Variants in VIRMA observed in about 807,000 individuals in gnomAD.
VIRMA encodes vir like m6A methyltransferase associated.
A neutral mutation model predicts 182.4 loss-of-function variants in VIRMA; 65 were observed. The observed-to-expected ratio is 0.36, with a 90% confidence interval of 0.29 to 0.44. The LOEUF (loss-of-function observed/expected upper bound fraction) is 0.44, where lower values mean the gene tolerates loss of function less well. Ranked by LOEUF, VIRMA falls within the 20% of genes least tolerant of loss-of-function variation. The pLI is 1.00. For synonymous variants in VIRMA, 709 were observed against 743.1 expected (o/e 0.95, Z 0.75); for missense variants, 1,752 against 2,158.1 (o/e 0.81, Z 3.73).
chr8:94,488,920 T>C (rs76622312), intron 23 of VIRMA, 60 bp from the exon 24 acceptor site: 105,822 of 1,558,566 alleles, frequency 0.068, 3,893 homozygotes, highest in South Asian at 0.076. Flanking sequence ...AGATTATAAA[T>C]ACTAATCTAC....
chr8:94,523,832 C>T (rs1479998235), intron 8 of VIRMA, among the ~76,000 whole-genome samples: 1 of 151,734 alleles, frequency 6.6e-6, no homozygotes, highest in Non-Finnish European at 1.5e-5. Context: ...CACTCTGTTG[C>T]CCAGGCTGGA....
At chr8:94,535,608 C>A (rs1815314947) in intron 4 of VIRMA, among the ~76,000 whole-genome samples, 1 of 152,016 alleles carries the variant, frequency 6.6e-6, no homozygotes, top group Non-Finnish European at 1.5e-5. Context: ...GATGGTGAAA[C>A]CTCGTCTCTA....
chr8:94,507,558 G>A (rs1334216709), intron 15 of VIRMA, among the ~76,000 whole-genome samples: 1 of 151,762 alleles, frequency 6.6e-6, no homozygotes, highest in East Asian at 1.9e-4. Context: ...AGTTCAAGAC[G>A]AGCCTGGCCA....
At chr8:94,502,009 C>T (rs1252466561) in intron 16 of VIRMA, among the ~76,000 whole-genome samples, 1 of 152,140 alleles carries the variant, frequency 6.6e-6, no homozygotes, top group Non-Finnish European at 1.5e-5. Context: ...GATGACCTCT[C>T]TAATGCTTTC....
Position 94,519,022 on chromosome 8 carries a change from T to G in VIRMA, c.2476A>C (p.Ile826Leu), listed in dbSNP as rs572170867. 1 of 1,613,574 alleles carries G rather than the reference T, an allele frequency of 6.2e-7. No homozygotes were observed. Among genetic ancestry groups the G allele is most frequent in the South Asian group, 1.1e-5 (1 of 91,020 alleles). ...TTGGAATAGTACTCCATTAGAGTAA[T>G]AAGACTTTGGAGATTTTTCTCCAGA... ...FSLEKNLQSL[I>L]TLMEYYSKEA... The change falls in exon 9 of 24, where the codon ATT (isoleucine) becomes CTT (leucine). Residue 826 changes from isoleucine (I) to leucine (L), a missense_variant. Transcript: ENST00000297591.
At chr8:94,534,547 C>T (rs1815271743) in intron 5 of VIRMA, among the ~76,000 whole-genome samples, 1 of 152,060 alleles carries the variant, frequency 6.6e-6, no homozygotes, top group Non-Finnish European at 1.5e-5. Flanking sequence ...TGCTTGCTCA[C>T]TCTCTCCCAC....
chr8:94,488,669 A>C lies in VIRMA; in HGVS notation c.*37T>G, dbSNP rs999436614. 3.1e-6 allele frequency: 5 copies of C among 1,589,716 alleles called. No individual in the cohort carries two copies. The Admixed American group carries it at 8.5e-5, about 27-fold the overall frequency. On this transcript the variant is annotated 3_prime_UTR_variant, in exon 24 of 24. Coordinates refer to ENST00000297591, the MANE Select transcript of VIRMA (RefSeq NM_015496.5). ...GTCTTATTTTTATTGTCCTCGTGAA[A>C]TGTTCATATACAGTTAAGATGTTCC...
At chr8:94,490,491 A>G (rs1356856065) in intron 22 of VIRMA, among the ~76,000 whole-genome samples, 1 of 152,210 alleles carries the variant, frequency 6.6e-6, no homozygotes, top group Non-Finnish European at 1.5e-5. Flanking sequence ...CTCAGCAGGT[A>G]TGAAAACATG....
chr8:94,495,019 T>G, intron 19 of VIRMA, 63 bp from the exon 20 acceptor site: 1 of 1,168,812 alleles, frequency 8.6e-7, no homozygotes, highest in Non-Finnish European at 1.3e-6. Flanking sequence ...ATTTTTTTTT[T>G]TTGAGACACA....
At position 94,488,454 on chromosome 8, in the gene VIRMA, T is replaced by C. The variant is rs1461121962; in HGVS notation, c.*252A>G. ...AGGCAAGAAAAATACAAAACATCAT[T>C]TAGTTTTTCACCTAGAAATTTTCTA... On this transcript the variant is annotated 3_prime_UTR_variant, in exon 24 of 24. Coordinates refer to ENST00000297591, the MANE Select transcript of VIRMA (RefSeq NM_015496.5). 1 of 354,926 alleles carries C rather than the reference T, an allele frequency of 2.8e-6. No homozygotes were observed. Among genetic ancestry groups the C allele is most frequent in the East Asian group, 4.7e-5 (1 of 21,178 alleles). 22.0% of individuals were successfully genotyped at this position (354,926 alleles called of 1,614,324 possible).
intron 4 of VIRMA, among the ~76,000 whole-genome samples, chr8:94,535,345 A>G (rs1398638749): frequency 1.3e-5 from 2 of 152,230 alleles, no homozygotes; most frequent in African/African-American, 4.8e-5. Flanking sequence ...AAACCCCAAT[A>G]GGTACAGGGG....
Position 94,517,675 on chromosome 8 carries a change from A to T in VIRMA, c.2668+113T>A, listed in dbSNP as rs939645561. 11 of 605,464 alleles carry T rather than the reference A, an allele frequency of 1.8e-5. No homozygotes were observed. The Admixed American group carries it at 2.2e-4, about 12-fold the overall frequency. 37.5% of individuals were successfully genotyped at this position (605,464 alleles called of 1,614,324 possible). On this transcript the variant is annotated intron_variant, in intron 10 of 23. Transcript: ENST00000297591. Reference sequence around the variant, plus strand: ...CATAAAAAGTAATTTCAGGAAGTTAAAAACAGTATTACTAGGTATATTATC... The same window carrying T: ...CATAAAAAGTAATTTCAGGAAGTTATAAACAGTATTACTAGGTATATTATC...
At chr8:94,504,200 A>C (rs1192606169) in intron 16 of VIRMA, among the ~76,000 whole-genome samples, 2 of 151,750 alleles carry the variant, frequency 1.3e-5, no homozygotes, top group Non-Finnish European at 2.9e-5. Flanking sequence ...AAAAAAAAAA[A>C]AACCCAGGTC....
At chr8:94,495,188 G>A (rs1444614728) in intron 19 of VIRMA, among the ~76,000 whole-genome samples, 2 of 151,946 alleles carry the variant, frequency 1.3e-5, no homozygotes, top group African/African-American at 4.8e-5. Flanking sequence ...TTTTTTTGTA[G>A]AGAGAGGGTC....
At chr8:94,499,286 C>T (rs1024781711) in intron 17 of VIRMA, 88 bp downstream of exon 17, 3 of 897,048 alleles carry the variant, frequency 3.3e-6, no homozygotes, top group African/African-American at 3.4e-5. Context: ...CAGATGTGAG[C>T]CATCGTACTT....
chr8:94,489,430 A>G lies in VIRMA; in HGVS notation c.5284+509T>C, dbSNP rs1455599356. On this transcript the variant is annotated intron_variant, in intron 23 of 23. Transcript: ENST00000297591. ...TAGAACTTTAAGTCTATACTCTAAAATATTCTCTTCCAGAATGAGAGTACA... is the reference window on the plus strand; with the variant it reads ...TAGAACTTTAAGTCTATACTCTAAAGTATTCTCTTCCAGAATGAGAGTACA... Among the ~76,000 whole-genome samples, 6 of 152,238 alleles carry G rather than the reference A, an allele frequency of 3.9e-5. No homozygotes were observed. In the South Asian group the frequency reaches 8.3e-4, roughly 21 times the overall value.
chr8:94,533,893 C>G (rs1815250753), intron 5 of VIRMA: 1 of 151,916 alleles, frequency 6.6e-6, no homozygotes, highest in South Asian at 2.1e-4. Context: ...ATTGTGTCAA[C>G]TTCTTTTTTT....
Position 94,490,848 on chromosome 8 carries a change from CAA to C in VIRMA, c.5140+728_5140+729del, listed in dbSNP as rs531665311. 1.3e-3 allele frequency among the ~76,000 whole-genome samples: 185 copies of C among 140,868 alleles called. 1 individual carries two copies. The highest frequency in any genetic ancestry group is 4.6e-3 in the African/African-American group (176 of 38,314). 92.4% of individuals were successfully genotyped at this position (140,868 alleles called of 152,430 possible). On this transcript the variant is annotated intron_variant, in intron 22 of 23. Transcript: ENST00000297591. Reference sequence around the variant, plus strand: ...GGCAAGAAGAGCAAAACTCTGTCTCCAAAAAAAAAAATCTTGTAACAATTTCA... The same window carrying C: ...GGCAAGAAGAGCAAAACTCTGTCTCCAAAAAAAAATCTTGTAACAATTTCA...
rs1450002830 is a variant in VIRMA at position 94,529,159 on chromosome 8, T to C, written c.791A>G (p.Asp264Gly). Residue 264 changes from aspartate to glycine, a missense_variant, in exon 7 of 24, where the codon GAT becomes GGT. Transcript: ENST00000297591. ...GTCTACTGTTCGTCGATCATCCTCA[T>C]CCTCATCCTCTTCTTCCTCTACATC... ...DVDVEEEEDE[D>G]EDDRRTVDSI... 1 of 1,418,200 alleles carries C rather than the reference T, an allele frequency of 7.1e-7. No homozygotes were observed. The highest frequency in any genetic ancestry group is 2.3e-5 in the East Asian group (1 of 43,818). 87.9% of individuals were successfully genotyped at this position (1,418,200 alleles called of 1,614,324 possible).
Sources: allele counts gnomAD v4.1 joint callset (sites outside exome capture counted in the v4.1 genomes callset), GRCh38; gene constraint gnomAD v4.1.1; transcripts MANE v1.5; gene names NCBI Gene and HGNC (gene_info 2026-07-23, HGNC 2026-07-21).